TEX11: variants seen among roughly 807,000 people sequenced by gnomAD.
TEX11 encodes the protein testis expressed 11.
A neutral mutation model predicts 84.4 loss-of-function variants in TEX11; 7 were observed. That is an observed-to-expected ratio of 0.08 (90% CI 0.05 to 0.16). TEX11 has a LOEUF of 0.16. Ranked by LOEUF, TEX11 falls within the 10% of genes least tolerant of loss-of-function variation. The pLI is 1.00. For missense variants in TEX11, 551 were observed against 660.5 expected (o/e 0.83, Z 1.82); for synonymous variants, 264 against 222.8 (o/e 1.18, Z -1.64).
intron 24 of TEX11, among the ~76,000 whole-genome samples, chrX:70,599,022 T>C (rs772413177): frequency 9.8e-5 from 11 of 111,716 alleles, no homozygotes; most frequent in African/African-American, 2.3e-4. Flanking sequence ...ATAAATTGTA[T>C]ACCTAAGTGG....
intron 9 of TEX11, among the ~76,000 whole-genome samples, chrX:70,747,701 C>A (rs1197957424): frequency 9.0e-6 from 1 of 111,276 alleles, no homozygotes; most frequent in African/African-American, 3.3e-5. Flanking sequence ...GGTCTGATAA[C>A]AATGACTCAT....
intron 2 of TEX11, among the ~76,000 whole-genome samples, chrX:70,885,174 G>A (rs2091701443): frequency 9.8e-6 from 1 of 102,160 alleles, no homozygotes; most frequent in South Asian, 3.9e-4. Flanking sequence ...AAGCCTAATT[G>A]GGGGGGCCCT....
intron 26 of TEX11, 67 bp from the exon 27 acceptor site, chrX:70,553,481 C>G: frequency 8.7e-6 from 6 of 693,049 alleles, no homozygotes; most frequent in Non-Finnish European, 1.3e-5. Flanking sequence ...TCATCCCAGG[C>G]TACCACTTGC....
At chrX:70,760,869 G>A (rs1199863926) in intron 9 of TEX11, among the ~76,000 whole-genome samples, 1 of 111,731 alleles carries the variant, frequency 9.0e-6, no homozygotes, top group African/African-American at 3.3e-5. Context: ...ATCTGACAAA[G>A]GGCTAATGTC....
At chrX:70,573,004 A>G (rs926261087) in intron 25 of TEX11, among the ~76,000 whole-genome samples, 15 of 111,500 alleles carry the variant, frequency 1.3e-4, no homozygotes, top group African/African-American at 4.9e-4. Flanking sequence ...AGTATAATAA[A>G]TAAATAAATA....
chrX:70,532,855 G>T (rs1304992315), intron 28 of TEX11, among the ~76,000 whole-genome samples: 2 of 110,588 alleles, frequency 1.8e-5, no homozygotes, highest in Non-Finnish European at 3.8e-5. Context: ...TGGCTAACAT[G>T]GTGAAATCCT....
intron 13 of TEX11, among the ~76,000 whole-genome samples, chrX:70,689,526 G>T (rs933126044): frequency 9.0e-6 from 1 of 111,532 alleles, no homozygotes; most frequent in African/African-American, 3.3e-5. Context: ...GAAAGGAATT[G>T]CTTATAAAAA....
intron 16 of TEX11, among the ~76,000 whole-genome samples, chrX:70,656,866 G>A (rs763886007): frequency 8.9e-6 from 1 of 111,854 alleles, no homozygotes; most frequent in East Asian, 2.8e-4. Context: ...CTAAAGAAGC[G>A]ATAGTAGTCT....
At chrX:70,677,283 A>G (rs1253330640) in intron 15 of TEX11, among the ~76,000 whole-genome samples, 1 of 111,738 alleles carries the variant, frequency 8.9e-6, no homozygotes, top group East Asian at 2.8e-4. Context: ...GTGTAGGACT[A>G]ATTATTCCCC....
At chrX:70,871,946 C>G (rs1291210753) in intron 4 of TEX11, among the ~76,000 whole-genome samples, 2 of 105,184 alleles carry the variant, frequency 1.9e-5, no homozygotes, top group South Asian at 4.7e-4. Flanking sequence ...GGCCCTAACC[C>G]CATCAACACT....
intron 8 of TEX11, among the ~76,000 whole-genome samples, chrX:70,833,279 AAAAAGAAAAG>A (rs201329658): frequency 0.23 from 23,375 of 103,056 alleles, 2,447 homozygotes; most frequent in Admixed American, 0.36. Flanking sequence ...CAGAAAAAAA[AAAAAGAAAAG>A]AAAAGAAAAG....
chrX:70,783,064 T>A (rs935066454), intron 9 of TEX11, among the ~76,000 whole-genome samples: 1 of 111,355 alleles, frequency 9.0e-6, no homozygotes, highest in Non-Finnish European at 1.9e-5. Flanking sequence ...ATTCTAAAAT[T>A]GACCACATAA....
At chrX:70,875,770 A>AAAAAT (rs2147870024) in intron 3 of TEX11, among the ~76,000 whole-genome samples, 1 of 111,359 alleles carries the variant, frequency 9.0e-6, no homozygotes, top group African/African-American at 3.2e-5. Flanking sequence ...AAATAAAAAC[A>AAAAAT]AAAATAAAAT....
intron 9 of TEX11, among the ~76,000 whole-genome samples, chrX:70,786,624 A>G (rs989819861): frequency 1.8e-5 from 2 of 111,689 alleles, no homozygotes; most frequent in East Asian, 5.6e-4. Flanking sequence ...AGAAAAGAAA[A>G]TTACAGACCA....
chrX:70,826,544 C>T (rs868555889), intron 8 of TEX11, among the ~76,000 whole-genome samples: 1 of 111,765 alleles, frequency 8.9e-6, no homozygotes, highest in Non-Finnish European at 1.9e-5. Context: ...AAGGCCACCC[C>T]TCCCCGCTTC....
chrX:70,806,866 T>C (rs2091222520), intron 8 of TEX11, 76 bp from the exon 9 acceptor site: 2 of 715,668 alleles, frequency 2.8e-6, no homozygotes, highest in Admixed American at 6.3e-5. Flanking sequence ...GAGGTGGCAG[T>C]GAGCCATGAC....
intron 13 of TEX11, among the ~76,000 whole-genome samples, chrX:70,686,534 C>T (rs1014677128): frequency 3.6e-5 from 4 of 110,243 alleles, no homozygotes; most frequent in African/African-American, 1.3e-4. Flanking sequence ...TGGAGCCTGT[C>T]GGGAGGTGAG....
chrX:70,645,176 G>T (rs904593014), intron 17 of TEX11, among the ~76,000 whole-genome samples: 1 of 110,069 alleles, frequency 9.1e-6, no homozygotes, highest in African/African-American at 3.3e-5. Flanking sequence ...AAAAGCTCAG[G>T]ATCTGATGGT....
chrX:70,849,180 A>T lies in TEX11; in HGVS notation c.525+3854T>A, dbSNP rs981390351. On this transcript the variant is annotated intron_variant, in intron 7 of 29. Coordinates refer to ENST00000374333, the MANE Select transcript of TEX11 (RefSeq NM_031276.3). ...GTCTGTGTCCCACCTAACCTAAGTCATTCATTTGGCACTTAATATTTTTCT... is the reference window on the plus strand; with the variant it reads ...GTCTGTGTCCCACCTAACCTAAGTCTTTCATTTGGCACTTAATATTTTTCT... 2.7e-5 allele frequency among the ~76,000 whole-genome samples: 3 copies of T among 112,200 alleles called. No homozygotes were observed. In the Admixed American group the frequency reaches 2.8e-4, roughly 11 times the overall value.
Sources: gnomAD v4.1 joint callset for allele counts (sites outside exome capture counted in the v4.1 genomes callset) on GRCh38, gnomAD v4.1.1 for gene constraint, MANE v1.5 for transcripts, NCBI Gene and HGNC (gene_info 2026-07-23, HGNC 2026-07-21) for gene names.